Variants in ASXL2 observed in about 807,000 individuals in gnomAD.
ASXL2 encodes putative Polycomb group protein ASXL2.
Under a neutral mutation model 122.0 loss-of-function variants are expected in ASXL2, and 23 were observed. The ratio of observed to expected loss-of-function variants is 0.19; its 90% confidence interval spans 0.14 to 0.27. The LOEUF (loss-of-function observed/expected upper bound fraction) is 0.27, where lower values mean the gene tolerates loss of function less well. Ranked by LOEUF, ASXL2 falls within the 10% of genes least tolerant of loss-of-function variation. The pLI, the probability that ASXL2 is intolerant of heterozygous loss-of-function variation, is 1.00. For synonymous variants in ASXL2, 650 were observed against 637.0 expected (o/e 1.02, Z -0.31); for missense variants, 1,518 against 1,713.8 (o/e 0.89, Z 2.02).
chr2:25,816,691 TAA>T (rs2089240164), intron 3 of ASXL2, among the ~76,000 whole-genome samples: 2 of 152,138 alleles, frequency 1.3e-5, no homozygotes, highest in Non-Finnish European at 2.9e-5. Flanking sequence ...TATTGACCAA[TAA>T]AGCAAGCACT....
intron 5 of ASXL2, among the ~76,000 whole-genome samples, chr2:25,783,506 AT>A (rs201369740): frequency 0.04 from 5,327 of 132,586 alleles, 144 homozygotes; most frequent in Non-Finnish European, 0.057. Flanking sequence ...AATTTCCACC[AT>A]TTTTTTTATT....
chr2:25,757,921 C>CAAAAAAAAAA, intron 9 of ASXL2, among the ~76,000 whole-genome samples: 1 of 127,354 alleles, frequency 7.9e-6, no homozygotes, highest in Non-Finnish European at 1.7e-5. Flanking sequence ...GAGTCTTTAA[C>CAAAAAAAAAA]AAAAAAAAAA....
chr2:25,774,252 C>T (rs1404046502), intron 5 of ASXL2, among the ~76,000 whole-genome samples: 2 of 151,840 alleles, frequency 1.3e-5, no homozygotes, highest in African/African-American at 4.8e-5. Flanking sequence ...TACCCCGAAC[C>T]TAAAACAAAA....
chr2:25,855,208 A>G (rs1310839704), intron 1 of ASXL2, among the ~76,000 whole-genome samples: 2 of 152,124 alleles, frequency 1.3e-5, no homozygotes, highest in Non-Finnish European at 2.9e-5. Flanking sequence ...CATACACACT[A>G]AACAGTGGAG....
At chr2:25,858,830 G>T (rs1265887018) in intron 1 of ASXL2, among the ~76,000 whole-genome samples, 2 of 146,732 alleles carry the variant, frequency 1.4e-5, no homozygotes, top group South Asian at 2.1e-4. Context: ...TTTTTTTTTG[G>T]AGATGGAGTC....
intron 2 of ASXL2, among the ~76,000 whole-genome samples, chr2:25,839,777 A>C (rs1004902122): frequency 1.3e-5 from 2 of 149,890 alleles, no homozygotes; most frequent in Non-Finnish European, 3.0e-5. Flanking sequence ...AGTTTGAATC[A>C]CCTCTGACAC....
intron 5 of ASXL2, among the ~76,000 whole-genome samples, chr2:25,786,151 T>C (rs1406334811): frequency 6.6e-6 from 1 of 152,126 alleles, no homozygotes; most frequent in African/African-American, 2.4e-5. Context: ...AACATCTGTG[T>C]ATTAGAAAAT....
intron 6 of ASXL2, among the ~76,000 whole-genome samples, chr2:25,769,719 A>C (rs1305990178): frequency 6.6e-6 from 1 of 151,996 alleles, no homozygotes; most frequent in African/African-American, 2.4e-5. Flanking sequence ...AAAAAACTGA[A>C]GTTTGACTTT....
At chr2:25,838,935 C>T (rs2089546148) in intron 2 of ASXL2, among the ~76,000 whole-genome samples, 1 of 152,104 alleles carries the variant, frequency 6.6e-6, no homozygotes, top group Admixed American at 6.5e-5. Context: ...ACCATTCCTT[C>T]AATATTTAGA....
chr2:25,835,515 T>C (rs770754573), intron 3 of ASXL2, 23 bp downstream of exon 3: 2 of 286,036 alleles, frequency 7.0e-6, no homozygotes, highest in Non-Finnish European at 1.5e-5. Flanking sequence ...AATACTTCTT[T>C]AGAATAAAGT....
intron 8 of ASXL2, among the ~76,000 whole-genome samples, chr2:25,763,797 A>G (rs2088294024): frequency 1.3e-5 from 2 of 152,220 alleles, no homozygotes; most frequent in South Asian, 4.1e-4. Flanking sequence ...AGGCCCAGAT[A>G]TAACTTGCCC....
chr2:25,796,441 ATAAACAAGATTTGCCC>A (rs1030612408), intron 5 of ASXL2, among the ~76,000 whole-genome samples: 11 of 152,236 alleles, frequency 7.2e-5, no homozygotes, highest in African/African-American at 2.7e-4. Context: ...AAATATTGGG[ATAAACAAGATTTGCCC>A]TCTTTGAATA....
intron 1 of ASXL2, chr2:25,856,840 C>T (rs2089785210): frequency 2.1e-6 from 2 of 941,754 alleles, no homozygotes; most frequent in Non-Finnish European, 3.4e-6. Flanking sequence ...ATGTCCACCC[C>T]TGAGAGGAAC....
intron 3 of ASXL2, chr2:25,810,210 T>G: frequency 1.7e-6 from 1 of 595,960 alleles, no homozygotes. Context: ...CTCTCGGCAA[T>G]GGGACACTGC....
intron 1 of ASXL2, among the ~76,000 whole-genome samples, chr2:25,877,073 G>A (rs953282756): frequency 4.6e-5 from 7 of 151,918 alleles, no homozygotes. Flanking sequence ...TCCCCACAGT[G>A]AACATTACTT....
chr2:25,877,115 C>T (rs1052560989), intron 1 of ASXL2, among the ~76,000 whole-genome samples: 15 of 151,948 alleles, frequency 9.9e-5, no homozygotes, highest in Non-Finnish European at 1.6e-4. Context: ...AAAAATAAAC[C>T]ATATGGCATC....
chr2:25,821,503 C>T (rs1439769488), intron 3 of ASXL2, among the ~76,000 whole-genome samples: 1 of 152,106 alleles, frequency 6.6e-6, no homozygotes, highest in Non-Finnish European at 1.5e-5. Flanking sequence ...GTGGCTCACG[C>T]CTATAATCCC....
At chr2:25,809,816 C>G (rs540467804) in intron 3 of ASXL2, 53 of 433,620 alleles carry the variant, frequency 1.2e-4, no homozygotes, top group Non-Finnish European at 2.3e-4. Context: ...GTGGGGGCAG[C>G]GAAAGGAGAA....
intron 3 of ASXL2, among the ~76,000 whole-genome samples, chr2:25,807,160 T>C (rs1329354590): frequency 1.3e-5 from 2 of 152,208 alleles, no homozygotes; most frequent in Non-Finnish European, 2.9e-5. Context: ...ATGTGTGGCA[T>C]CCTTAAATGG....
Sources: allele counts gnomAD v4.1 joint callset (sites outside exome capture counted in the v4.1 genomes callset), GRCh38; gene constraint gnomAD v4.1.1; transcripts MANE v1.5; gene names NCBI Gene and HGNC (gene_info 2026-07-23, HGNC 2026-07-21).